The following SSR2 variants were observed in gnomAD, a reference collection of about 807,000 sequenced individuals.
The protein encoded by SSR2 is translocon-associated protein subunit beta.
In SSR2, 16 loss-of-function variants were observed where a neutral mutation model predicts 22.6. The ratio of observed to expected loss-of-function variants is 0.71; its 90% CI spans 0.48 to 1.08. SSR2 has a LOEUF of 1.08. Ranked by LOEUF, SSR2 falls within the 50% of genes least tolerant of loss-of-function variation. The pLI is 0.00. For synonymous variants in SSR2, 83 were observed against 91.2 expected, an observed-to-expected ratio of 0.91 and a Z score of 0.51; for missense variants, 171 against 221.6, an observed-to-expected ratio of 0.77 and a Z score of 1.45.
chr1:156,016,789 A>C (rs1162164485), intron 3 of SSR2, among the ~76,000 whole-genome samples: 2 of 152,198 alleles, frequency 1.3e-5, no homozygotes, highest in East Asian at 3.9e-4. Context: ...CTCCCTTGCC[A>C]TTCTAATGAT....
At chr1:156,011,924 A>C in intron 4 of SSR2, 37 bp from the exon 5 acceptor site, 1 of 1,558,162 alleles carries the variant, frequency 6.4e-7, no homozygotes, top group Non-Finnish European at 8.8e-7. Context: ...AGGGAAGTCC[A>C]CCTCATGAAG....
chr1:156,015,695 T>C (rs1683045473), intron 3 of SSR2, among the ~76,000 whole-genome samples: 1 of 149,350 alleles, frequency 6.7e-6, no homozygotes, highest in Non-Finnish European at 1.5e-5. Flanking sequence ...CCCAAAGTCC[T>C]GGGATTACAG....
intron 2 of SSR2, among the ~76,000 whole-genome samples, chr1:156,019,500 T>C (rs1683113195): frequency 6.6e-6 from 1 of 152,102 alleles, no homozygotes; most frequent in Non-Finnish European, 1.5e-5. Flanking sequence ...TTCTTTTGCC[T>C]CAGCCTCCCG....
intron 2 of SSR2, 88 bp downstream of exon 2, chr1:156,019,925 C>A: frequency 6.9e-7 from 1 of 1,452,896 alleles, no homozygotes; most frequent in East Asian, 2.3e-5. Context: ...AAAGAGAAAC[C>A]ACTACCCACC....
At chr1:156,012,664 G>T (rs949949424) in intron 4 of SSR2, 3 of 447,384 alleles carry the variant, frequency 6.7e-6, no homozygotes, top group African/African-American at 6.0e-5. Context: ...AAGGTGCAAT[G>T]AATGTTAGTT....
intron 3 of SSR2, among the ~76,000 whole-genome samples, chr1:156,017,032 C>G (rs1683069102): frequency 6.6e-6 from 1 of 152,158 alleles, no homozygotes; most frequent in African/African-American, 2.4e-5. Flanking sequence ...AACTTGAGAA[C>G]AGATTAATAA....
At chr1:156,012,583 A>C (rs1037989507) in intron 4 of SSR2, 2 of 456,170 alleles carry the variant, frequency 4.4e-6, no homozygotes, top group East Asian at 6.9e-5. Flanking sequence ...CAGAAATGAT[A>C]CCGGATGTGA....
At chr1:156,013,277 A>G (rs1477149016) in intron 4 of SSR2, 1 of 152,114 alleles carries the variant, frequency 6.6e-6, no homozygotes, top group Non-Finnish European at 1.5e-5. Context: ...AATATAAAAA[A>G]GTAGCCGGGC....
At chr1:156,009,780 G>GT (rs374325952) in intron 5 of SSR2, 130 bp from the exon 6 acceptor site, 68,447 of 464,604 alleles carry the variant, frequency 0.15, no homozygotes, top group South Asian at 0.19. Context: ...CAAAGTCTTA[G>GT]TTTTTTTTTT....
chr1:156,013,771 G>A (rs535908277), intron 4 of SSR2: 1 of 153,418 alleles, frequency 6.5e-6, no homozygotes, highest in Admixed American at 6.5e-5. Context: ...CCGTAAGCAG[G>A]AGCAATCTAA....
At chr1:156,020,446 G>C (rs1683131255) in intron 1 of SSR2, 3 of 377,218 alleles carry the variant, frequency 8.0e-6, no homozygotes, top group South Asian at 2.4e-5. Context: ...TCTTCTGAGG[G>C]GACACCATGT....
At chr1:156,016,612 A>C (rs904704926) in intron 3 of SSR2, among the ~76,000 whole-genome samples, 1 of 152,128 alleles carries the variant, frequency 6.6e-6, no homozygotes, top group African/African-American at 2.4e-5. Flanking sequence ...CAAAACAAAA[A>C]CAAATACAAA....
At chr1:156,016,259 A>T (rs1165557688) in intron 3 of SSR2, among the ~76,000 whole-genome samples, 1 of 150,876 alleles carries the variant, frequency 6.6e-6, no homozygotes, top group Non-Finnish European at 1.5e-5. Flanking sequence ...TTTTTTTGAC[A>T]GTCTCGCTCC....
intron 2 of SSR2, 97 bp downstream of exon 2, chr1:156,019,916 A>T: frequency 7.1e-7 from 1 of 1,400,894 alleles, no homozygotes; most frequent in Non-Finnish European, 9.7e-7. Context: ...AAGTGTCCCA[A>T]AGAGAAACCA....
At chr1:156,017,731 T>C (rs539280776) in intron 3 of SSR2, among the ~76,000 whole-genome samples, 2 of 147,088 alleles carry the variant, frequency 1.4e-5, no homozygotes, top group Admixed American at 7.2e-5. Flanking sequence ...CAGTATAGTA[T>C]GTTTCAGGTT....
intron 2 of SSR2, 100 bp downstream of exon 2, chr1:156,019,913 C>G (rs1683122617): frequency 2.9e-6 from 4 of 1,370,344 alleles, no homozygotes; most frequent in African/African-American, 1.5e-5. Flanking sequence ...TGGAAGTGTC[C>G]CAAAGAGAAA....
chr1:156,015,093 A>C, intron 3 of SSR2, 24 bp from the exon 4 acceptor site: 1 of 1,586,374 alleles, frequency 6.3e-7, no homozygotes, highest in Non-Finnish European at 8.6e-7. Context: ...TAAGGAACGG[A>C]AAGAGATGAA....
chr1:156,011,649 G>GT, intron 5 of SSR2, 161 bp downstream of exon 5: 5 of 560,258 alleles, frequency 8.9e-6, no homozygotes, highest in South Asian at 7.8e-5. Flanking sequence ...CTCTGGACAT[G>GT]GCTAAATCAA....
intron 2 of SSR2, chr1:156,019,132 C>A: frequency 3.7e-6 from 1 of 268,842 alleles, no homozygotes; most frequent in Non-Finnish European, 7.9e-6. Context: ...AGTAATATAG[C>A]AACTTGGTTC....
Sources: gnomAD v4.1 joint callset for allele counts (sites outside exome capture counted in the v4.1 genomes callset) on GRCh38, gnomAD v4.1.1 for gene constraint, MANE v1.5 for transcripts, NCBI Gene and HGNC (gene_info 2026-07-23, HGNC 2026-07-21) for gene names.